Variants in CSMD1 observed in about 807,000 individuals in gnomAD.
CSMD1 encodes the protein CUB and sushi domain-containing protein 1.
A neutral mutation model predicts 417.5 loss-of-function variants in CSMD1; 213 were observed. The observed-to-expected ratio is 0.51, with a 90% CI of 0.46 to 0.57. CSMD1 has a LOEUF of 0.57. Among genes scored for constraint, CSMD1 ranks in the 20% least tolerant of loss-of-function variants. CSMD1 has a pLI of 0.00. For missense variants in CSMD1, 6,923 were observed against 4,529.7 expected, an observed-to-expected ratio of 1.53 and a Z score of -15.17; for synonymous variants, 2,862 against 1,736.8, an observed-to-expected ratio of 1.65 and a Z score of -16.11.
At chr8:4,409,339 C>A (rs148048466) in intron 3 of CSMD1, among the ~76,000 whole-genome samples, 1 of 152,134 alleles carries the variant, frequency 6.6e-6, no homozygotes, top group Non-Finnish European at 1.5e-5. Flanking sequence ...CTATGTCATT[C>A]TCTCACATCT....
chr8:3,513,224 T>G (rs931936982), intron 10 of CSMD1, among the ~76,000 whole-genome samples: 1 of 152,176 alleles, frequency 6.6e-6, no homozygotes, highest in African/African-American at 2.4e-5. Context: ...TCCTCCAACT[T>G]TAATAAATCC....
chr8:4,753,411 A>C (rs951981628), intron 1 of CSMD1, among the ~76,000 whole-genome samples: 565 of 41,860 alleles, frequency 0.013, 6 homozygotes, highest in Middle Eastern at 0.023. Context: ...AACCACACAC[A>C]CACACACACA....
At chr8:3,916,132 C>T (rs1288071630) in intron 5 of CSMD1, among the ~76,000 whole-genome samples, 31 of 151,642 alleles carry the variant, frequency 2.0e-4, no homozygotes, top group Non-Finnish European at 7.4e-5. Context: ...CAGTAAATTT[C>T]AGTGAAAAAA....
At position 2,940,483 on chromosome 8, in the gene CSMD1, T is replaced by A. The variant is rs144033083; in HGVS notation, c.10536-1739A>T. On this transcript the variant is annotated intron_variant, in intron 69 of 69. Coordinates refer to ENST00000635120, the MANE Select transcript of CSMD1 (RefSeq NM_033225.6). ...ATTCCCCACCGACCCAGAGGAGGCA[T>A]CACATTTACATAAAAATAAGCGCTA... Among the ~76,000 whole-genome samples, 469 of 152,244 alleles carry A rather than the reference T, an allele frequency of 3.1e-3. 5 individuals are homozygous for A. The highest frequency in any genetic ancestry group is 6.3e-3 in the Admixed American group (96 of 15,282).
intron 23 of CSMD1, among the ~76,000 whole-genome samples, chr8:3,319,096 T>G (rs1805975779): frequency 6.6e-6 from 1 of 152,226 alleles, no homozygotes; most frequent in Non-Finnish European, 1.5e-5. Flanking sequence ...GATGTTTATG[T>G]GTCTTGCATC....
At chr8:3,673,775 G>C (rs570090458) in intron 7 of CSMD1, among the ~76,000 whole-genome samples, 25 of 152,314 alleles carry the variant, frequency 1.6e-4, no homozygotes, top group African/African-American at 5.5e-4. Flanking sequence ...AAAGCATGAA[G>C]GTGCAAACCT....
intron 8 of CSMD1, among the ~76,000 whole-genome samples, chr8:3,608,430 G>C (rs1801726547): frequency 1.3e-5 from 2 of 152,070 alleles, no homozygotes; most frequent in South Asian, 4.2e-4. Flanking sequence ...CAGCATCTTT[G>C]AAATGTTCTT....
chr8:3,467,693 T>A (rs903305328), intron 12 of CSMD1, among the ~76,000 whole-genome samples: 10 of 151,934 alleles, frequency 6.6e-5, no homozygotes, highest in Admixed American at 1.3e-4. Context: ...TGACCCTTTA[T>A]CCCACACAGA....
In CSMD1 at chr8:3,689,875, G is replaced by A. The variant is rs924110181; in HGVS notation, c.1009+18539C>T. ...AGCTTTAAATCAGATATTTCCTCCA[G>A]CATTTCATAGGGATATTGATTCAAA... On this transcript the variant is annotated intron_variant, in intron 7 of 69. Coordinates refer to ENST00000635120, the MANE Select transcript of CSMD1 (RefSeq NM_033225.6). Among the ~76,000 whole-genome samples the A allele has an allele frequency of 4.6e-5, 7 of 152,154 alleles. No individual in the cohort carries two copies. In the East Asian group the frequency reaches 1.3e-3, roughly 29 times the overall value.
intron 1 of CSMD1, among the ~76,000 whole-genome samples, chr8:4,834,209 A>T (rs1300632988): frequency 6.6e-6 from 1 of 152,240 alleles, no homozygotes; most frequent in African/African-American, 2.4e-5. Flanking sequence ...AAGACAATAC[A>T]TATTTGAACG....
At chr8:3,047,754 T>C (rs1811555701) in intron 50 of CSMD1, among the ~76,000 whole-genome samples, 2 of 152,250 alleles carry the variant, frequency 1.3e-5, no homozygotes, top group African/African-American at 4.8e-5. Flanking sequence ...CAATCCCTTT[T>C]TTGGCAGATA....
chr8:3,877,202 A>G (rs1047558950), intron 5 of CSMD1, among the ~76,000 whole-genome samples: 1 of 152,112 alleles, frequency 6.6e-6, no homozygotes, highest in Non-Finnish European at 1.5e-5. Context: ...GGAAGTGGAC[A>G]CTGGGCTCAG....
At chr8:4,740,093 T>C (rs978209054) in intron 1 of CSMD1, among the ~76,000 whole-genome samples, 15 of 152,122 alleles carry the variant, frequency 9.9e-5, no homozygotes, top group Non-Finnish European at 2.1e-4. Context: ...GATGGCTCTC[T>C]GTCTCTACTG....
intron 7 of CSMD1, among the ~76,000 whole-genome samples, chr8:3,654,082 T>C (rs1797986997): frequency 6.6e-6 from 1 of 152,156 alleles, no homozygotes; most frequent in Admixed American, 6.5e-5. Flanking sequence ...ATAACGTCTC[T>C]TTTCTGTTAG....
chr8:4,783,567 G>C (rs892000226), intron 1 of CSMD1, among the ~76,000 whole-genome samples: 5 of 152,226 alleles, frequency 3.3e-5, no homozygotes, highest in African/African-American at 1.2e-4. Flanking sequence ...GGAAAACCTA[G>C]CTGTGAGTTG....
At chr8:4,293,424 A>C (rs905019025) in intron 3 of CSMD1, among the ~76,000 whole-genome samples, 1 of 152,238 alleles carries the variant, frequency 6.6e-6, no homozygotes, top group African/African-American at 2.4e-5. Context: ...CTACGGCTAA[A>C]AAGTGTTTTA....
intron 3 of CSMD1, among the ~76,000 whole-genome samples, chr8:4,357,882 A>G (rs1451002907): frequency 6.6e-6 from 1 of 152,170 alleles, no homozygotes; most frequent in African/African-American, 2.4e-5. Flanking sequence ...TGCTAAAATC[A>G]TAGACGTATA....
chr8:4,157,953 T>G (rs983365617), intron 3 of CSMD1, among the ~76,000 whole-genome samples: 1 of 152,210 alleles, frequency 6.6e-6, no homozygotes, highest in African/African-American at 2.4e-5. Flanking sequence ...AGAACATCTT[T>G]TAGCAACGTA....
chr8:4,879,017 A>G (rs1191407415), intron 1 of CSMD1, among the ~76,000 whole-genome samples: 1 of 151,988 alleles, frequency 6.6e-6, no homozygotes, highest in Non-Finnish European at 1.5e-5. Flanking sequence ...AAGGGACAGG[A>G]TATTTGGGGT....
Sources: allele counts gnomAD v4.1 joint callset (sites outside exome capture counted in the v4.1 genomes callset), GRCh38; gene constraint gnomAD v4.1.1; transcripts MANE v1.5; gene names NCBI Gene and HGNC (gene_info 2026-07-23, HGNC 2026-07-21).